PGM5: variants seen among roughly 807,000 people sequenced by gnomAD.
The protein encoded by PGM5 is phosphoglucomutase 5.
Under a neutral mutation model 59.2 loss-of-function variants are expected in PGM5, and 23 were observed. The ratio of observed to expected loss-of-function variants is 0.39; its 90% CI spans 0.28 to 0.55. The LOEUF (loss-of-function observed/expected upper bound fraction) is 0.55, where lower values mean the gene tolerates loss of function less well. Ranked by LOEUF, PGM5 falls within the 20% of genes least tolerant of loss-of-function variation. PGM5 has a pLI of 0.66. For synonymous variants in PGM5, 214 were observed against 286.0 expected, an observed-to-expected ratio of 0.75 and a Z score of 2.54; for missense variants, 574 against 748.3, an observed-to-expected ratio of 0.77 and a Z score of 2.72.
chr9:68,382,342 C>A (rs1391092942), intron 2 of PGM5, among the ~76,000 whole-genome samples: 1 of 151,686 alleles, frequency 6.6e-6, no homozygotes, highest in Non-Finnish European at 1.5e-5. Flanking sequence ...GGACCCTTAT[C>A]TTACACTATA....
intron 6 of PGM5, among the ~76,000 whole-genome samples, chr9:68,453,023 G>A (rs1252391639): frequency 1.3e-5 from 2 of 152,146 alleles, no homozygotes; most frequent in Non-Finnish European, 2.9e-5. Flanking sequence ...GAAAATATTG[G>A]TTGGTAAATC....
chr9:68,468,619 C>T (rs887278685), intron 7 of PGM5, among the ~76,000 whole-genome samples: 12 of 152,164 alleles, frequency 7.9e-5, no homozygotes, highest in African/African-American at 2.9e-4. Flanking sequence ...CTCAACACCA[C>T]ACCCTTCAGA....
rs2770856 is a variant in PGM5 at position 68,406,740 on chromosome 9, C to G, written c.1043+14267C>G. Among the ~76,000 whole-genome samples the G allele has an allele frequency of 4.6e-3, 505 of 110,212 alleles. 4 individuals carry two copies. The highest frequency in any genetic ancestry group is 0.017 in the African/African-American group (473 of 28,356). The allele number at this position is 110,212 out of a possible 152,430, so 72.3% of individuals were successfully genotyped here. A position where few individuals can be genotyped will look rare whatever the true frequency, so the allele number is the denominator to read the frequency against. On this transcript the variant is annotated intron_variant, in intron 6 of 10. Transcript: ENST00000396396. ...TATATATATATGTATATAGTGCTTA[C>G]AGCAGTGCCAGTCCACAGTATGCGT...
At chr9:68,398,894 AT>A (rs1822587049) in intron 6 of PGM5, among the ~76,000 whole-genome samples, 1 of 152,116 alleles carries the variant, frequency 6.6e-6, no homozygotes, top group Non-Finnish European at 1.5e-5. Flanking sequence ...TCCTTTAATA[AT>A]TGGTCTGATT....
chr9:68,436,333 G>T (rs1257776836), intron 6 of PGM5, among the ~76,000 whole-genome samples: 1 of 152,176 alleles, frequency 6.6e-6, no homozygotes, highest in Non-Finnish European at 1.5e-5. Flanking sequence ...AAGTAGGTAA[G>T]ACTTAGTGGG....
intron 1 of PGM5, among the ~76,000 whole-genome samples, chr9:68,367,057 G>A (rs1246603056): frequency 4.0e-5 from 6 of 151,834 alleles, no homozygotes; most frequent in African/African-American, 1.5e-4. Flanking sequence ...GAAGGTGTGA[G>A]CTTCTCCCCC....
At chr9:68,367,083 G>T (rs1834692835) in intron 1 of PGM5, among the ~76,000 whole-genome samples, 3 of 152,154 alleles carry the variant, frequency 2.0e-5, no homozygotes, top group Non-Finnish European at 4.4e-5. Context: ...GCACACATTT[G>T]TATGCGTACT....
At chr9:68,438,042 C>G (rs1348568756) in intron 6 of PGM5, among the ~76,000 whole-genome samples, 1 of 152,130 alleles carries the variant, frequency 6.6e-6, no homozygotes, top group Non-Finnish European at 1.5e-5. Context: ...AATCCCAGCA[C>G]TGTGGGAGGC....
At chr9:68,406,816 G>A (rs1203683200) in intron 6 of PGM5, among the ~76,000 whole-genome samples, 1 of 149,388 alleles carries the variant, frequency 6.7e-6, no homozygotes, top group African/African-American at 2.5e-5. Flanking sequence ...ATGGATAAGA[G>A]AGTGAAGCAT....
rs139593370 is a variant in PGM5, at chr9:68,522,750, G to C, written c.1615-6817G>C. 7.9e-4 allele frequency among the ~76,000 whole-genome samples: 121 copies of C among 152,314 alleles called. 1 individual carries two copies. Among genetic ancestry groups the C allele is most frequent in the South Asian group, 7.0e-3 (34 of 4,832 alleles). On this transcript the variant is annotated intron_variant, in intron 10 of 10. Coordinates refer to ENST00000396396, the MANE Select transcript of PGM5 (RefSeq NM_021965.4). ...GGGTCTGTCACATGTCCAAATCTCA[G>C]AGACTAGACCTGGAGTATGGTTACC... is the stretch of plus-strand genomic sequence containing the variant.
chr9:68,360,579 T>A (rs544403726), intron 1 of PGM5, among the ~76,000 whole-genome samples: 38 of 150,766 alleles, frequency 2.5e-4, no homozygotes, highest in Admixed American at 5.3e-4. Context: ...CTTTAAAAAA[T>A]TTATTATAAA....
intron 1 of PGM5, among the ~76,000 whole-genome samples, chr9:68,374,436 C>A (rs576353933): frequency 2.2e-3 from 320 of 146,052 alleles, no homozygotes; most frequent in Non-Finnish European, 3.6e-3. Context: ...TCTTTCCTGA[C>A]TTGATTAATA....
chr9:68,468,436 T>G (rs1227116830), intron 7 of PGM5, among the ~76,000 whole-genome samples: 1 of 152,240 alleles, frequency 6.6e-6, no homozygotes, highest in Non-Finnish European at 1.5e-5. Context: ...ATTTATTAAG[T>G]GTTTACAATA....
intron 10 of PGM5, among the ~76,000 whole-genome samples, chr9:68,509,059 A>G (rs1188784126): frequency 4.6e-5 from 7 of 152,222 alleles, no homozygotes; most frequent in Admixed American, 3.3e-4. Flanking sequence ...CAACACGGTC[A>G]TGCTTCATTC....
intron 1 of PGM5, among the ~76,000 whole-genome samples, chr9:68,373,587 A>G (rs1482454910): frequency 4.6e-5 from 7 of 152,184 alleles, no homozygotes; most frequent in South Asian, 2.1e-4. Context: ...ACATAATTTT[A>G]TACTGTAATA....
At chr9:68,450,595 A>G (rs1430422694) in intron 6 of PGM5, among the ~76,000 whole-genome samples, 1 of 152,240 alleles carries the variant, frequency 6.6e-6, no homozygotes, top group Admixed American at 6.5e-5. Context: ...GTTTAATAAA[A>G]GTTTACATCA....
chr9:68,476,379 A>G (rs1554686636), intron 7 of PGM5, among the ~76,000 whole-genome samples: 1 of 152,198 alleles, frequency 6.6e-6, no homozygotes, highest in East Asian at 1.9e-4. Context: ...TTAAAAAAAT[A>G]TCCAGCCTAT....
Position 68,406,660 on chromosome 9 carries a change from G to GTATATATATA in PGM5, c.1043+14195_1043+14204dup, listed in dbSNP as rs1305648432. ...GGTCTTGTACTGAGGATTAAATTAG[G>GTATATATATA]TATATATATATATATATGTATATAT... On this transcript the variant is annotated intron_variant, in intron 6 of 10. Transcript: ENST00000396396. Among the ~76,000 whole-genome samples, 21 of 57,630 alleles carry GTATATATATA rather than the reference G, an allele frequency of 3.6e-4. 4 individuals carry two copies. The highest frequency in any genetic ancestry group is 1.4e-3 in the African/African-American group (21 of 15,036). 37.8% of individuals were successfully genotyped at this position (57,630 alleles called of 152,430 possible). A position where few individuals can be genotyped will look rare whatever the true frequency, so the allele number is the denominator to read the frequency against.
intron 6 of PGM5, among the ~76,000 whole-genome samples, chr9:68,410,158 AG>A (rs782802403): frequency 7.9e-5 from 12 of 152,246 alleles, no homozygotes; most frequent in Non-Finnish European, 1.8e-4. Context: ...ATGAAGAAGA[AG>A]GGCAAAGGAC....
Sources: gnomAD v4.1 joint callset for allele counts (sites outside exome capture counted in the v4.1 genomes callset) on GRCh38, gnomAD v4.1.1 for gene constraint, MANE v1.5 for transcripts, NCBI Gene and HGNC (gene_info 2026-07-23, HGNC 2026-07-21) for gene names.